SALL3: variants seen among roughly 807,000 people sequenced by gnomAD.
The protein encoded by SALL3 is sal-like protein 3.
In SALL3, 25 loss-of-function variants were observed where a neutral mutation model predicts 66.2. The observed-to-expected ratio is 0.38, with a 90% CI of 0.28 to 0.53. The LOEUF (loss-of-function observed/expected upper bound fraction) is 0.53, where lower values mean the gene tolerates loss of function less well. Among genes scored for constraint, SALL3 ranks in the 20% least tolerant of loss-of-function variants. The pLI is 0.85. For synonymous variants in SALL3, 1,152 were observed against 899.1 expected, an observed-to-expected ratio of 1.28 and a Z score of -5.03; for missense variants, 2,194 against 1,916.5, an observed-to-expected ratio of 1.14 and a Z score of -2.70.
chr18:78,995,490 G>A, intron 2 of SALL3, 28 bp downstream of exon 2: 1 of 1,504,622 alleles, frequency 6.6e-7, no homozygotes, highest in East Asian at 2.3e-5. Flanking sequence ...TCCAGCCCCG[G>A]CTGCGGTGCG....
In SALL3 at chr18:78,979,965, GGCGCCGGGCAGCGCGC is replaced by G. The variant is rs1312300320; in HGVS notation, c.-307_-292del. ...GGCGCCGGAGCCCGCGATGTGAGGC[GGCGCCGGGCAGCGCGC>G]GCCCCGGTCCCGAGGCGCCGCGGCC... On this transcript the variant is annotated 5_prime_UTR_variant, in exon 1 of 3. Coordinates refer to ENST00000537592, the MANE Select transcript of SALL3 (RefSeq NM_171999.4). Among the ~76,000 whole-genome samples, 1 of 144,422 alleles carries G rather than the reference GGCGCCGGGCAGCGCGC, an allele frequency of 6.9e-6. No homozygotes were observed. The highest frequency in any genetic ancestry group is 1.5e-5 in the Non-Finnish European group (1 of 65,128). 94.7% of individuals were successfully genotyped at this position (144,422 alleles called of 152,430 possible).
In SALL3 at chr18:78,993,606, G is replaced by A. The variant is rs760958244; in HGVS notation, c.1615G>A (p.Gly539Ser). The A allele has an allele frequency of 1.9e-6, 3 of 1,585,652 alleles. No homozygotes were observed. The highest frequency in any genetic ancestry group is 1.7e-4 in the Middle Eastern group (1 of 6,036). Residue 539 changes from glycine (G) to serine (S), a missense_variant, in exon 2 of 3, where the codon GGC (glycine) becomes AGC (serine). Coordinates refer to ENST00000537592, the MANE Select transcript of SALL3 (RefSeq NM_171999.4). ...QLPPTVPGAH[G>S]YADSPSATPA... is the part of the protein sequence containing the mutation. ...GCCGCCCACTGTCCCTGGCGCGCAC[G>A]GCTACGCCGACTCTCCCAGCGCCAC... is the stretch of plus-strand genomic sequence containing the variant.
In SALL3 at chr18:78,992,731, C is replaced by T. The variant is rs896262773; in HGVS notation, c.740C>T (p.Ala247Val). 2.2e-6 allele frequency: 3 copies of T among 1,367,654 alleles called. No individual in the cohort carries two copies. In the African/African-American group the frequency reaches 4.7e-5, roughly 21 times the overall value. 84.7% of individuals were successfully genotyped at this position (1,367,654 alleles called of 1,614,324 possible). Residue 247 changes from alanine to valine, a missense_variant, in exon 2 of 3, where the codon GCC becomes GTC. By Grantham distance (64) the Ala-to-Val change is moderately conservative. Coordinates refer to ENST00000537592, the MANE Select transcript of SALL3 (RefSeq NM_171999.4). ...CGGCCCTCACTCAGCCCCGCGGCCG[C>T]CCCGAGCGCACCGGGCCCGGCCCCC... ...PPRPSLSPAAAPSAPGPAPSQ... is the reference protein window; with the variant it reads ...PPRPSLSPAAVPSAPGPAPSQ...
At position 78,998,855 on chromosome 18, in the gene SALL3, GC is replaced by G. The variant is rs200085111; in HGVS notation, c.*1537del. 6.6e-6 allele frequency: 1 copy of G among 152,274 alleles called. No homozygotes were observed. The highest frequency in any genetic ancestry group is 2.1e-4 in the South Asian group (1 of 4,834). The allele number at this position is 152,274 out of a possible 1,614,324, so 9.4% of individuals were successfully genotyped here. A position where few individuals can be genotyped will look rare whatever the true frequency, so the allele number is the denominator to read the frequency against. ...GGCTGAGCTGCATCCAGCCAGGAGGGCCCCGGAGGCTGGGGCGGCCGAGGCA... is the reference window on the plus strand; with the variant it reads ...GGCTGAGCTGCATCCAGCCAGGAGGGCCCGGAGGCTGGGGCGGCCGAGGCA... On this transcript the variant is annotated 3_prime_UTR_variant, in exon 3 of 3. Transcript: ENST00000537592.
chr18:78,997,172 C>T lies in SALL3; in HGVS notation c.3753C>T (p.Pro1251=), dbSNP rs776949456. ...TGAGTCTTGGGGGCAGCGCCCTCCC[C>T]CCTCTGGGCAGCATGGCCAGTGGGA... ...LPVSLGGSAL[P]PLGSMASGMD... Residue 1251 remains proline (P), a synonymous_variant, in exon 3 of 3, where the codon CCC becomes CCT. Transcript: ENST00000537592. The T allele has an allele frequency of 6.2e-6, 10 of 1,614,028 alleles. No individual in the cohort carries two copies. In the South Asian group the frequency reaches 1.1e-4, roughly 18 times the overall value.
chr18:78,988,211 C>T (rs1244627730), intron 1 of SALL3, among the ~76,000 whole-genome samples: 4 of 152,146 alleles, frequency 2.6e-5, no homozygotes, highest in African/African-American at 9.7e-5. Context: ...ATAATACTGG[C>T]TTTAAATGAT....
chr18:78,992,426 C>G lies in SALL3; in HGVS notation c.435C>G (p.Pro145=), dbSNP rs1486910607. ...AACCCGCGGGGGACACGCGCGCGCCCCGGCCCCCGCCTGCGGCCCCTGCAC... is the reference window on the plus strand; with the variant it reads ...AACCCGCGGGGGACACGCGCGCGCCGCGGCCCCCGCCTGCGGCCCCTGCAC... ...DAEPAGDTRA[P]RPPPAAPAPP... Residue 145 remains proline (P), a synonymous_variant, in exon 2 of 3, where the codon CCC becomes CCG. Coordinates refer to ENST00000537592, the MANE Select transcript of SALL3 (RefSeq NM_171999.4). 10 of 1,345,778 alleles carry G rather than the reference C, an allele frequency of 7.4e-6. No homozygotes were observed. The East Asian group carries it at 3.5e-4, about 47-fold the overall frequency. 83.4% of individuals were successfully genotyped at this position (1,345,778 alleles called of 1,614,324 possible). A position where few individuals can be genotyped will look rare whatever the true frequency, so the allele number is the denominator to read the frequency against.
Position 78,993,030 on chromosome 18 carries a change from GC to G in SALL3, c.1043del (p.Pro348ArgfsTer47). On this transcript the variant is annotated frameshift_variant, in exon 2 of 3. Transcript: ENST00000537592. LOFTEE classifies it high-confidence loss of function. ...PQSASTPPAL[A>X]PGSLLGAAPG... ...GAGCGCATCCACGCCGCCTGCCCTG[GC>G]CCCGGGGTCCCTGCTGGGTGCGGCG... 6.4e-7 allele frequency: 1 copy of G among 1,566,058 alleles called. No individual in the cohort carries two copies.
At chr18:78,982,369 C>T (rs997371190) in intron 1 of SALL3, among the ~76,000 whole-genome samples, 1 of 152,192 alleles carries the variant, frequency 6.6e-6, no homozygotes. Context: ...AATTGTAATC[C>T]AGACGTTGCC....
At position 78,997,391 on chromosome 18, in the gene SALL3, T is replaced by C; in HGVS notation, c.*69T>C. The C allele has an allele frequency of 6.8e-7, 1 of 1,475,488 alleles. No homozygotes were observed. Among genetic ancestry groups the C allele is most frequent in the South Asian group, 1.2e-5 (1 of 80,722 alleles). 91.4% of individuals were successfully genotyped at this position (1,475,488 alleles called of 1,614,324 possible). Reference sequence around the variant, plus strand: ...GTTGGAGCATCAGGCCTCCGACCTTTCTTGCCTCGGTTCTCATTACACTTT... The same window carrying C: ...GTTGGAGCATCAGGCCTCCGACCTTCCTTGCCTCGGTTCTCATTACACTTT... On this transcript the variant is annotated 3_prime_UTR_variant, in exon 3 of 3. Coordinates refer to ENST00000537592, the MANE Select transcript of SALL3 (RefSeq NM_171999.4).
rs1324685596 is a variant in SALL3, at chr18:78,993,502, C to T, written c.1511C>T (p.Pro504Leu). ...CSGIPYGMSLPPEKPVTTWLD... is the reference protein window; with the variant it reads ...CSGIPYGMSLLPEKPVTTWLD... The stretch of plus-strand genomic sequence containing the variant: ...GGCATCCCCTACGGCATGTCGCTGC[C>T]CCCCGAGAAGCCCGTGACCACCTGG... Residue 504 changes from proline to leucine, a missense_variant, in exon 2 of 3, where the codon CCC becomes CTC. Physicochemically the swap from Pro to Leu is moderately conservative, Grantham distance 98. Transcript: ENST00000537592. 5.6e-6 allele frequency: 9 copies of T among 1,605,576 alleles called. No homozygotes were observed. Among genetic ancestry groups the T allele is most frequent in the Non-Finnish European group, 7.6e-6 (9 of 1,177,318 alleles).
intron 1 of SALL3, among the ~76,000 whole-genome samples, chr18:78,987,523 A>C (rs1388601377): frequency 6.6e-6 from 1 of 152,224 alleles, no homozygotes; most frequent in Non-Finnish European, 1.5e-5. Flanking sequence ...GCACATGGTA[A>C]TAGAGGCCCT....
At position 78,992,208 on chromosome 18, in the gene SALL3, T is replaced by C; in HGVS notation, c.217T>C (p.Cys73Arg). The C allele has an allele frequency of 6.2e-7, 1 of 1,609,754 alleles. No homozygotes were observed. Among genetic ancestry groups the C allele is most frequent in the Non-Finnish European group, 8.5e-7 (1 of 1,179,116 alleles). ...WADFLEHQRS[C>R]TKLPPVLIVH... Reference sequence around the variant, plus strand: ...GGACTTCCTGGAGCACCAGCGGAGCTGCACCAAGCTCCCGCCCGTGCTGAT... The same window carrying C: ...GGACTTCCTGGAGCACCAGCGGAGCCGCACCAAGCTCCCGCCCGTGCTGAT... Residue 73 changes from cysteine (C) to arginine (R), a missense_variant, in exon 2 of 3, where the codon TGC becomes CGC. Transcript: ENST00000537592.
At position 78,992,248 on chromosome 18, in the gene SALL3, C is replaced by T. The variant is rs1311177186; in HGVS notation, c.257C>T (p.Ala86Val). The T allele has an allele frequency of 3.2e-6, 5 of 1,575,770 alleles. No homozygotes were observed. Among genetic ancestry groups the T allele is most frequent in the Non-Finnish European group, 4.3e-6 (5 of 1,166,262 alleles). ...LPPVLIVHED[A>V]PAPPPEDFPE... is the part of the protein sequence containing the mutation. ...CCCGTGCTGATCGTGCACGAGGACG[C>T]GCCCGCGCCGCCCCCCGAGGACTTC... Residue 86 changes from alanine (A) to valine (V), a missense_variant, in exon 2 of 3, where the codon GCG becomes GTG. Transcript: ENST00000537592.
intron 1 of SALL3, 119 bp downstream of exon 1, chr18:78,980,475 T>G: frequency 1.9e-6 from 1 of 530,454 alleles, no homozygotes; most frequent in South Asian, 6.5e-5. Flanking sequence ...CCCTGCTTCC[T>G]GCGGGCAAGC....
chr18:78,995,911 C>T (rs144959037), intron 2 of SALL3, among the ~76,000 whole-genome samples: 71 of 152,268 alleles, frequency 4.7e-4, no homozygotes, highest in African/African-American at 1.6e-3. Context: ...GCAGCTGGGC[C>T]TCTGATGCCT....
chr18:78,980,232 C>T lies in SALL3; in HGVS notation c.-43C>T. ...CGCGCCGTCCCCGCCGGCCGCCCCG[C>T]TGATGCCGCTGCCCCGCGCGGGGCC... On this transcript the variant is annotated 5_prime_UTR_variant, in exon 1 of 3. Transcript: ENST00000537592. The T allele has an allele frequency of 5.8e-6, 6 of 1,030,920 alleles. No homozygotes were observed. The highest frequency in any genetic ancestry group is 5.9e-6 in the Non-Finnish European group (5 of 852,760). The allele number at this position is 1,030,920 out of a possible 1,614,324, so 63.9% of individuals were successfully genotyped here. A position where few individuals can be genotyped will look rare whatever the true frequency, so the allele number is the denominator to read the frequency against.
In SALL3 at chr18:78,992,485, A is replaced by G. The variant is rs1286296734; in HGVS notation, c.494A>G (p.Asn165Ser). The change falls in exon 2 of 3, where the codon AAC (asparagine) becomes AGC (serine). Residue 165 changes from asparagine (N) to serine (S), a missense_variant. Asn to Ser is a conservative substitution (Grantham distance 46, BLOSUM62 1). Coordinates refer to ENST00000537592, the MANE Select transcript of SALL3 (RefSeq NM_171999.4). The part of the protein sequence containing the change: ...PTPAYGAPST[N>S]VTLEALLSTK... ...CCCGCCTACGGCGCGCCCAGCACCAACGTGACCCTGGAGGCGCTGCTGAGC... is the reference window on the plus strand; with the variant it reads ...CCCGCCTACGGCGCGCCCAGCACCAGCGTGACCCTGGAGGCGCTGCTGAGC... 3 of 1,463,776 alleles carry G rather than the reference A, an allele frequency of 2.0e-6. No individual in the cohort carries two copies. The highest frequency in any genetic ancestry group is 1.8e-6 in the Non-Finnish European group (2 of 1,111,530). 90.7% of individuals were successfully genotyped at this position (1,463,776 alleles called of 1,614,324 possible).
rs796281638 is a variant in SALL3, at chr18:78,991,383, T to TC, written c.83-691_83-690insC. ...CCCTATCTGGAAGAAAGTACAAGGG[T>TC]GGGGGGGGGGGAACTGCTCTGTCGC... On this transcript the variant is annotated intron_variant, in intron 1 of 2. Transcript: ENST00000537592. Among the ~76,000 whole-genome samples the TC allele has an allele frequency of 7.6e-5, 7 of 92,228 alleles. No homozygotes were observed. In the East Asian group the frequency reaches 3.2e-3, roughly 42 times the overall value. The allele number at this position is 92,228 out of a possible 152,430, so 60.5% of individuals were successfully genotyped here. A position where few individuals can be genotyped will look rare whatever the true frequency, so the allele number is the denominator to read the frequency against.
Sources: gnomAD v4.1 joint callset for allele counts (sites outside exome capture counted in the v4.1 genomes callset) on GRCh38, gnomAD v4.1.1 for gene constraint, MANE v1.5 for transcripts, NCBI Gene and HGNC (gene_info 2026-07-23, HGNC 2026-07-21) for gene names.